Variants in RIMS2 observed in about 807,000 individuals in gnomAD.
RIMS2 encodes the protein regulating synaptic membrane exocytosis 2.
A neutral mutation model predicts 174.4 loss-of-function variants in RIMS2; 59 were observed. The observed-to-expected ratio is 0.34, with a 90% CI of 0.27 to 0.42. The LOEUF (loss-of-function observed/expected upper bound fraction) is 0.42. RIMS2 is among the 10% of genes least tolerant of loss of function. The probability of loss-of-function intolerance (pLI) is 1.00; values close to 1 mark genes in which losing one functional copy is unlikely to be tolerated. For missense variants in RIMS2, 1,620 were observed against 1,666.3 expected, an observed-to-expected ratio of 0.97 and a Z score of 0.48; for synonymous variants, 606 against 572.5, an observed-to-expected ratio of 1.06 and a Z score of -0.84.
At chr8:103,568,566 G>A (rs2092562467) in intron 1 of RIMS2, 1 of 488,200 alleles carries the variant, frequency 2.0e-6, no homozygotes, top group Admixed American at 2.6e-5. Context: ...GGAAGAGACT[G>A]GCCATGGGTA....
At chr8:104,115,808 G>T (rs1197298981) in intron 19 of RIMS2, among the ~76,000 whole-genome samples, 1 of 152,170 alleles carries the variant, frequency 6.6e-6, no homozygotes, top group Non-Finnish European at 1.5e-5. Context: ...GGGGGAAAGT[G>T]CTGTTCCCCT....
In RIMS2 at chr8:103,915,577, T is replaced by C. The variant is rs1446823138; in HGVS notation, c.1895T>C (p.Val632Ala). 3.2e-6 allele frequency: 5 copies of C among 1,581,604 alleles called. No individual in the cohort carries two copies. The African/African-American group carries it at 4.0e-5, about 13-fold the overall frequency. Residue 632 changes from valine (V) to alanine (A), a missense_variant, in exon 7 of 24, where the codon GTA (valine) becomes GCA (alanine). Coordinates refer to ENST00000504942, the Ensembl canonical transcript of RIMS2. ...AAAAAAGGAAGTTTAGCTGATACTG[T>C]AGGACATCTTAGACCAGGTAGGGTT...
intron 19 of RIMS2, among the ~76,000 whole-genome samples, chr8:104,114,055 A>G (rs746954468): frequency 3.3e-5 from 5 of 151,914 alleles, no homozygotes; most frequent in African/African-American, 4.8e-5. Flanking sequence ...ATAATTAAAG[A>G]CCTGAATTTG....
At chr8:104,048,106 A>C (rs944876111) in intron 19 of RIMS2, among the ~76,000 whole-genome samples, 6 of 152,322 alleles carry the variant, frequency 3.9e-5, no homozygotes, top group African/African-American at 1.4e-4. Flanking sequence ...TCCTGAGTAC[A>C]ATGTGGCAGG....
In RIMS2 at chr8:103,870,976, C is replaced by T. The variant is rs542786192; in HGVS notation, c.699-14322C>T. On this transcript the variant is annotated intron_variant, in intron 3 of 23. Coordinates refer to ENST00000504942, the Ensembl canonical transcript of RIMS2. ...TAAGCCTTTTTCAATTTTTATCCAA[C>T]TTTCATTTATGGCCTCTGCTGCCAC... Among the ~76,000 whole-genome samples the T allele has an allele frequency of 3.6e-4, 55 of 152,320 alleles. No homozygotes were observed. In the South Asian group the frequency reaches 0.011, roughly 32 times the overall value.
intron 19 of RIMS2, among the ~76,000 whole-genome samples, chr8:104,228,042 T>TTTTTTC (rs1554644487): frequency 6.8e-6 from 1 of 146,918 alleles, no homozygotes. Context: ...TTTTTTTTTT[T>TTTTTTC]CTTTGAGACA....
Position 103,529,609 on chromosome 8 carries a change from T to C in RIMS2, c.176+28547T>C, listed in dbSNP as rs371308758. ...CGATGTCTTGCCCTGCTTCGGCTCA[T>C]GCTCGGTGCTCTGCACCCACGGTCC... On this transcript the variant is annotated intron_variant, in intron 1 of 23. Transcript: ENST00000504942. Among the ~76,000 whole-genome samples, 21 of 152,328 alleles carry C rather than the reference T, an allele frequency of 1.4e-4. No homozygotes were observed. The East Asian group carries it at 3.9e-3, about 28-fold the overall frequency.
chr8:103,765,986 A>C (rs1207105719), intron 2 of RIMS2, among the ~76,000 whole-genome samples: 1 of 152,144 alleles, frequency 6.6e-6, no homozygotes, highest in South Asian at 2.1e-4. Context: ...AACAATCAGC[A>C]ATTTAGGACT....
chr8:103,663,621 C>T (rs1041372882), intron 1 of RIMS2, among the ~76,000 whole-genome samples: 5 of 151,926 alleles, frequency 3.3e-5, no homozygotes, highest in Non-Finnish European at 7.4e-5. Flanking sequence ...CACTGCTCAA[C>T]GAAATAAAAG....
At chr8:103,545,652 A>C (rs560907617) in intron 1 of RIMS2, among the ~76,000 whole-genome samples, 15 of 152,298 alleles carry the variant, frequency 9.8e-5, no homozygotes, top group African/African-American at 3.6e-4. Context: ...TACAAAGGGA[A>C]CTCCATCAGG....
At chr8:103,574,224 A>G (rs1223894616) in intron 1 of RIMS2, among the ~76,000 whole-genome samples, 1 of 152,140 alleles carries the variant, frequency 6.6e-6, no homozygotes, top group Non-Finnish European at 1.5e-5. Flanking sequence ...TAAAAACTGG[A>G]TATCATATTT....
Position 104,000,371 on chromosome 8 carries a change from T to A in RIMS2, c.3044+10950T>A, listed in dbSNP as rs563856478. Among the ~76,000 whole-genome samples, 6 of 151,934 alleles carry A rather than the reference T, an allele frequency of 3.9e-5. No individual in the cohort carries two copies. In the South Asian group the frequency reaches 1.0e-3, roughly 26 times the overall value. On this transcript the variant is annotated intron_variant, in intron 17 of 23. Coordinates refer to ENST00000504942, the Ensembl canonical transcript of RIMS2. ...CCATTTTCATTCTTCTTGCTAATCA[T>A]GCATTTCATACCTGATTTTATTCTT...
intron 4 of RIMS2, among the ~76,000 whole-genome samples, chr8:103,887,878 G>C (rs150974872): frequency 6.6e-6 from 1 of 151,582 alleles, no homozygotes. Context: ...GTGAGTAGCG[G>C]TTCATTTCAT....
At chr8:104,047,703 A>G (rs775055163) in intron 19 of RIMS2, among the ~76,000 whole-genome samples, 2 of 152,156 alleles carry the variant, frequency 1.3e-5, no homozygotes, top group African/African-American at 2.4e-5. Flanking sequence ...ATGTGTATGC[A>G]TTATTTCTAT....
exon 23 of RIMS2, chr8:104,251,133 C>T (rs1373639945): frequency 8.1e-6 from 13 of 1,612,528 alleles, no homozygotes; most frequent in East Asian, 6.7e-5. Flanking sequence ...TATTATCTTT[C>T]GAAGAGAGTC....
At chr8:104,044,982 G>A (rs2096668985) in intron 19 of RIMS2, among the ~76,000 whole-genome samples, 1 of 151,908 alleles carries the variant, frequency 6.6e-6, no homozygotes, top group African/African-American at 2.4e-5. Flanking sequence ...AATTCAGAAT[G>A]TATTTCACCT....
At chr8:103,710,848 A>C (rs546802886) in intron 2 of RIMS2, among the ~76,000 whole-genome samples, 1 of 152,208 alleles carries the variant, frequency 6.6e-6, no homozygotes. Flanking sequence ...TTTTATTTTT[A>C]GAAAGTGATT....
At chr8:103,748,201 G>A (rs567317694) in intron 2 of RIMS2, among the ~76,000 whole-genome samples, 16 of 152,136 alleles carry the variant, frequency 1.1e-4, no homozygotes, top group Middle Eastern at 6.8e-3. Context: ...CAGTACTTTG[G>A]GAGGCTGAGA....
chr8:103,704,642 CT>C (rs1290084975), intron 2 of RIMS2, among the ~76,000 whole-genome samples: 21 of 152,028 alleles, frequency 1.4e-4, no homozygotes, highest in Non-Finnish European at 1.5e-4. Context: ...TGGCTTCAAT[CT>C]TTTTACTTAT....
Sources: gnomAD v4.1 joint callset for allele counts (sites outside exome capture counted in the v4.1 genomes callset) on GRCh38, gnomAD v4.1.1 for gene constraint, MANE v1.5 for transcripts, NCBI Gene and HGNC (gene_info 2026-07-23, HGNC 2026-07-21) for gene names.